The following GYG2 variants were observed in gnomAD, a reference collection of about 807,000 sequenced individuals.
The protein encoded by GYG2 is glycogenin 2, also known as glycogenin-2.
In GYG2, 29 loss-of-function variants were observed where a neutral mutation model predicts 29.4. That is an observed-to-expected ratio of 0.99 (90% CI 0.74 to 1.35). The LOEUF is 1.35. GYG2 is among the 40% of genes most tolerant of loss of function. GYG2 has a pLI of 0.00. For synonymous variants in GYG2, 167 were observed against 172.3 expected (o/e 0.97, Z 0.24); for missense variants, 370 against 385.7 (o/e 0.96, Z 0.34).
At chrX:2,859,585 CTA>C (rs1161527828) in intron 6 of GYG2, among the ~76,000 whole-genome samples, 1 of 110,324 alleles carries the variant, frequency 9.1e-6, no homozygotes, top group Non-Finnish European at 1.9e-5. Flanking sequence ...ATATTGATGA[CTA>C]TGTTGATAGT....
At chrX:2,833,371 G>A (rs918136077) in intron 2 of GYG2, among the ~76,000 whole-genome samples, 4 of 110,787 alleles carry the variant, frequency 3.6e-5, no homozygotes, top group African/African-American at 9.9e-5. Flanking sequence ...CACATTCAGA[G>A]GTTCTGTGGG....
chrX:2,867,457 T>C (rs957949805), intron 8 of GYG2, among the ~76,000 whole-genome samples: 7 of 111,297 alleles, frequency 6.3e-5, no homozygotes, highest in African/African-American at 2.0e-4. Context: ...AAGGGATCTG[T>C]CAGCCCTGCA....
Position 2,856,500 on chromosome X carries a change from G to T in GYG2, c.490G>T (p.Ala164Ser). ...TTTTGTGTTTGCTCATTATGTAGGG[G>T]CAGACCAAGGCTTACTGAATAGTTT... ...HAMEHGSFDG[A>S]DQGLLNSFFR... Residue 164 changes from alanine to serine, a missense_variant and splice_region_variant, in exon 6 of 11, where the codon GCA (alanine) becomes TCA (serine). Ala to Ser is a moderately conservative substitution (Grantham distance 99). Transcript: ENST00000398806. 1 of 1,208,357 alleles carries T rather than the reference G, an allele frequency of 8.3e-7. No homozygotes were observed.
In GYG2 at chrX:2,854,779, A is replaced by G. The variant is rs142753289; in HGVS notation, c.325-214A>G. 0.019 allele frequency among the ~76,000 whole-genome samples: 2,101 copies of G among 111,499 alleles called. 27 individuals carry two copies. Among genetic ancestry groups the G allele is most frequent in the Non-Finnish European group, 0.029 (1,564 of 53,029 alleles). On this transcript the variant is annotated intron_variant, in intron 4 of 10. Coordinates refer to ENST00000398806, the MANE Select transcript of GYG2 (RefSeq NM_001079855.2). ...TGAAACCGTTTTTACTAAAAATACA[A>G]AAATTAGCCAGGCATGGTAACAGGT...
rs767525879 is a variant in GYG2 at position 2,856,528 on chromosome X, T to C, written c.518T>C (p.Phe173Ser). The C allele has an allele frequency of 8.3e-7, 1 of 1,207,849 alleles. No homozygotes were observed. The highest frequency in any genetic ancestry group is 1.1e-6 in the Non-Finnish European group (1 of 892,369). Residue 173 changes from phenylalanine (F) to serine (S), a missense_variant, in exon 6 of 11, where the codon TTC (phenylalanine) becomes TCC (serine). Transcript: ENST00000398806. ...GADQGLLNSF[F>S]RNWSTTDIHK... ...GACCAAGGCTTACTGAATAGTTTCTTCAGGAACTGGTCGACCACAGACATC... is the reference window on the plus strand; with the variant it reads ...GACCAAGGCTTACTGAATAGTTTCTCCAGGAACTGGTCGACCACAGACATC...
At chrX:2,837,352 G>T in intron 2 of GYG2, among the ~76,000 whole-genome samples, 1 of 112,076 alleles carries the variant, frequency 8.9e-6, no homozygotes, top group Non-Finnish European at 1.9e-5. Flanking sequence ...TGCAAAGCTT[G>T]CTCTTGCAGG....
Position 2,854,156 on chromosome X carries a change from T to TACCA in GYG2, c.324+2_324+3insACCA. 8.6e-7 allele frequency: 1 copy of TACCA among 1,157,711 alleles called. No individual in the cohort carries two copies. The highest frequency in any genetic ancestry group is 1.2e-6 in the Non-Finnish European group (1 of 855,095). Reference sequence around the variant, plus strand: ...GTCTTCCTGGATGCAGACACTCTGGTGAGTGAAGACTCTCTGCTTGATAGG... The same window carrying TACCA: ...GTCTTCCTGGATGCAGACACTCTGGTACCAGAGTGAAGACTCTCTGCTTGATAGG... On this transcript the variant is annotated splice_region_variant and intron_variant, in intron 4 of 10. Coordinates refer to ENST00000398806, the MANE Select transcript of GYG2 (RefSeq NM_001079855.2).
intron 8 of GYG2, among the ~76,000 whole-genome samples, chrX:2,863,316 C>T (rs55776760): frequency 0.099 from 10,901 of 110,523 alleles, 547 homozygotes; most frequent in South Asian, 0.28. Flanking sequence ...CCTTGTGATC[C>T]GCCTGCTTCG....
intron 2 of GYG2, among the ~76,000 whole-genome samples, chrX:2,836,340 G>A: frequency 9.0e-6 from 1 of 110,661 alleles, no homozygotes; most frequent in Admixed American, 9.7e-5. Flanking sequence ...GGGAAGCTGT[G>A]GCTCAGGGTG....
At chrX:2,861,464 A>G (rs1488557574) in intron 7 of GYG2, 58 bp from the exon 8 acceptor site, 3 of 959,432 alleles carry the variant, frequency 3.1e-6, no homozygotes, top group Non-Finnish European at 4.5e-6. Context: ...CCCCCAGGAC[A>G]GCAGGTGAAT....
At chrX:2,844,597 C>T (rs1425373775) in intron 3 of GYG2, among the ~76,000 whole-genome samples, 2 of 53,068 alleles carry the variant, frequency 3.8e-5, no homozygotes, top group Non-Finnish European at 6.5e-5. Flanking sequence ...TATGTGTATA[C>T]GCACACGCAT....
chrX:2,864,592 G>A (rs5939136), intron 8 of GYG2, among the ~76,000 whole-genome samples: 61,412 of 108,793 alleles, frequency 0.56, 14,111 homozygotes, highest in East Asian at 0.8. Flanking sequence ...CTCAGAAAAC[G>A]GTTTTCAAAC....
intron 8 of GYG2, among the ~76,000 whole-genome samples, chrX:2,873,242 C>G (rs1234273960): frequency 2.7e-5 from 3 of 112,174 alleles, no homozygotes; most frequent in Admixed American, 9.5e-5. Flanking sequence ...TCTTTGACAA[C>G]TTATAATTTT....
rs1477152420 is a variant in GYG2 at position 2,864,234 on chromosome X, G to A, written c.1038+2512G>A. The stretch of plus-strand genomic sequence containing the variant: ...GGAGGTCCTGACGACATGTGCCCAC[G>A]GTGGTCGGGGCACAGCTTGCTTTTA... On this transcript the variant is annotated intron_variant, in intron 8 of 10. Transcript: ENST00000398806. Among the ~76,000 whole-genome samples, 6 of 112,069 alleles carry A rather than the reference G, an allele frequency of 5.4e-5. No individual in the cohort carries two copies. In the East Asian group the frequency reaches 8.4e-4, roughly 16 times the overall value.
chrX:2,837,437 A>T (rs1466623095), intron 2 of GYG2, among the ~76,000 whole-genome samples: 1 of 110,965 alleles, frequency 9.0e-6, no homozygotes, highest in Non-Finnish European at 1.9e-5. Context: ...TGGCCTTTGG[A>T]GTGTGATTTA....
At chrX:2,845,130 CGT>C (rs1160712357) in intron 3 of GYG2, among the ~76,000 whole-genome samples, 1 of 14,813 alleles carries the variant, frequency 6.8e-5, no homozygotes, top group East Asian at 3.3e-3. Flanking sequence ...TTTATATACA[CGT>C]GTGTATGTAT....
intron 10 of GYG2, among the ~76,000 whole-genome samples, chrX:2,878,544 A>G (rs966147387): frequency 1.3e-4 from 14 of 111,660 alleles, no homozygotes; most frequent in Non-Finnish European, 2.1e-4. Flanking sequence ...TGCTGGGATT[A>G]CAGGCATGAG....
At chrX:2,868,432 G>A (rs1195450190) in intron 8 of GYG2, among the ~76,000 whole-genome samples, 2 of 100,465 alleles carry the variant, frequency 2.0e-5, no homozygotes, top group East Asian at 6.2e-4. Flanking sequence ...ATTCCAGCCT[G>A]GGCAACAGAG....
intron 2 of GYG2, among the ~76,000 whole-genome samples, chrX:2,834,431 A>G (rs2087330797): frequency 8.9e-6 from 1 of 112,031 alleles, no homozygotes; most frequent in Admixed American, 9.4e-5. Context: ...TTCTTGATGG[A>G]TAAGTTCTTC....
Sources: allele counts gnomAD v4.1 joint callset (sites outside exome capture counted in the v4.1 genomes callset), GRCh38; gene constraint gnomAD v4.1.1; transcripts MANE v1.5; gene names NCBI Gene and HGNC (gene_info 2026-07-23, HGNC 2026-07-21).